The following SERGEF variants were observed in gnomAD, a reference collection of about 807,000 sequenced individuals.
The protein encoded by SERGEF is secretion-regulating guanine nucleotide exchange factor.
In SERGEF, 51 loss-of-function variants were observed where a neutral mutation model predicts 50.0. The ratio of observed to expected loss-of-function variants is 1.02; its 90% confidence interval spans 0.81 to 1.29. SERGEF has a LOEUF of 1.29. SERGEF is among the 50% of genes most tolerant of loss of function. The pLI is 0.00. For missense variants in SERGEF, 521 were observed against 557.0 expected, an observed-to-expected ratio of 0.94 and a Z score of 0.65; for synonymous variants, 205 against 212.4, an observed-to-expected ratio of 0.97 and a Z score of 0.30.
chr11:17,883,001 G>A (rs954483971), intron 9 of SERGEF, among the ~76,000 whole-genome samples: 1 of 152,174 alleles, frequency 6.6e-6, no homozygotes, highest in Non-Finnish European at 1.5e-5. Flanking sequence ...CAAGGGTAAG[G>A]GGTGAGAAGC....
intron 10 of SERGEF, among the ~76,000 whole-genome samples, chr11:17,850,632 C>T (rs754810514): frequency 2.0e-5 from 3 of 152,182 alleles, no homozygotes; most frequent in Non-Finnish European, 2.9e-5. Context: ...TAATGACTTT[C>T]AATAAGGCCT....
At chr11:17,793,954 A>G (rs1347117681) in intron 10 of SERGEF, among the ~76,000 whole-genome samples, 1 of 152,168 alleles carries the variant, frequency 6.6e-6, no homozygotes, top group Admixed American at 6.5e-5. Context: ...ACAATACCCA[A>G]ATCTGTTCAG....
chr11:18,009,072 C>G (rs769547560), intron 1 of SERGEF, among the ~76,000 whole-genome samples: 1 of 152,074 alleles, frequency 6.6e-6, no homozygotes, highest in Non-Finnish European at 1.5e-5. Flanking sequence ...TTTCTTCCCT[C>G]CTCAAATCCC....
At chr11:17,878,878 C>T (rs979793717) in intron 9 of SERGEF, among the ~76,000 whole-genome samples, 3 of 152,316 alleles carry the variant, frequency 2.0e-5, no homozygotes, top group South Asian at 2.1e-4. Flanking sequence ...CCTTTAAAAT[C>T]TCAAAGTATC....
At chr11:17,850,657 A>G (rs1850694359) in intron 10 of SERGEF, among the ~76,000 whole-genome samples, 1 of 152,210 alleles carries the variant, frequency 6.6e-6, no homozygotes, top group African/African-American at 2.4e-5. Flanking sequence ...CCAAGAGGTT[A>G]ATACTCTGAG....
At chr11:17,948,597 T>A (rs1852714577) in intron 9 of SERGEF, among the ~76,000 whole-genome samples, 1 of 152,122 alleles carries the variant, frequency 6.6e-6, no homozygotes, top group Admixed American at 6.5e-5. Context: ...CCTCAGCCAG[T>A]CTTGGGAGTG....
chr11:17,853,141 G>A (rs1289134194), intron 10 of SERGEF, among the ~76,000 whole-genome samples: 1 of 152,116 alleles, frequency 6.6e-6, no homozygotes, highest in Non-Finnish European at 1.5e-5. Flanking sequence ...TTCCTCACTT[G>A]TAAAACATAG....
chr11:17,985,914 T>A (rs211120), intron 8 of SERGEF, among the ~76,000 whole-genome samples: 3 of 152,266 alleles, frequency 2.0e-5, no homozygotes, highest in South Asian at 2.1e-4. Context: ...TATAGGAGAC[T>A]GCCCTTGCAT....
chr11:17,926,504 C>T (rs1852253027), intron 9 of SERGEF, among the ~76,000 whole-genome samples: 1 of 152,228 alleles, frequency 6.6e-6, no homozygotes. Context: ...GTACCCCTGT[C>T]TTCTATCAGG....
intron 9 of SERGEF, among the ~76,000 whole-genome samples, chr11:17,918,137 T>C (rs960038392): frequency 6.6e-6 from 1 of 152,134 alleles, no homozygotes; most frequent in Non-Finnish European, 1.5e-5. Flanking sequence ...TGACCCGAAG[T>C]CTGTGTTCCT....
In SERGEF at chr11:17,815,192, AAAC is replaced by A. The variant is rs1198059207; in HGVS notation, c.1049-26782_1049-26780del. ...ACAGAATGAGATCCATCTCTTAAGA[AAAC>A]AAAAAACAAAAATTACAGTCTTTAG... On this transcript the variant is annotated intron_variant, in intron 10 of 10. Transcript: ENST00000265965. 2.0e-3 allele frequency among the ~76,000 whole-genome samples: 299 copies of A among 152,140 alleles called. 2 individuals carry two copies. The highest frequency in any genetic ancestry group is 6.8e-3 in the African/African-American group (283 of 41,484).
chr11:17,921,982 CA>C (rs1386911562), intron 9 of SERGEF, among the ~76,000 whole-genome samples: 1 of 152,180 alleles, frequency 6.6e-6, no homozygotes, highest in African/African-American at 2.4e-5. Flanking sequence ...TTCCCTAGTG[CA>C]AACTCCCAGT....
chr11:17,829,631 C>T (rs1280680892), intron 10 of SERGEF, among the ~76,000 whole-genome samples: 3 of 152,102 alleles, frequency 2.0e-5, no homozygotes, highest in East Asian at 1.9e-4. Context: ...CCCCACACCA[C>T]CCAAAAAAAA....
chr11:17,808,555 C>A (rs1363394244), intron 10 of SERGEF, among the ~76,000 whole-genome samples: 1 of 152,118 alleles, frequency 6.6e-6, no homozygotes, highest in Non-Finnish European at 1.5e-5. Flanking sequence ...GCCAACAGGC[C>A]CCACCTCCAA....
intron 3 of SERGEF, among the ~76,000 whole-genome samples, chr11:18,006,275 C>T (rs375731960): frequency 1.5e-3 from 229 of 152,304 alleles, no homozygotes; most frequent in African/African-American, 5.0e-3. Flanking sequence ...TCGCCTGCCT[C>T]GGCCTCCCAA....
rs545206895 is a variant in SERGEF, at chr11:17,893,302, TG to T, written c.1012-15059del. ...CTGACATATGTAAGCTGTCTGACCT[TG>T]GGCATGAAGCCTGTACTTTTTGAAC... is the stretch of plus-strand genomic sequence containing the variant. On this transcript the variant is annotated intron_variant, in intron 9 of 10. Transcript: ENST00000265965. Among the ~76,000 whole-genome samples, 19 of 152,336 alleles carry T rather than the reference TG, an allele frequency of 1.2e-4. No individual in the cohort carries two copies. The East Asian group carries it at 3.7e-3, about 29-fold the overall frequency.
At chr11:17,947,105 T>C (rs1657039189) in intron 9 of SERGEF, among the ~76,000 whole-genome samples, 1 of 152,212 alleles carries the variant, frequency 6.6e-6, no homozygotes, top group Non-Finnish European at 1.5e-5. Flanking sequence ...TACTAATAGG[T>C]GATTCAAACT....
chr11:17,992,972 A>G lies in SERGEF; in HGVS notation c.644T>C (p.Met215Thr). 6.2e-7 allele frequency: 1 copy of G among 1,614,110 alleles called. No homozygotes were observed. ...GTGGTCTGAGCCAGCAAGAACACAC[A>G]TTGCTTTAGAATTCTCTAGACCTAC... ...RVTGLENSKA[M>T]CVLAGSDHSA... is the part of the protein sequence containing the mutation. Residue 215 changes from methionine to threonine, a missense_variant, in exon 7 of 11, where the codon ATG becomes ACG. By Grantham distance (81) the Met-to-Thr change is moderately conservative. Transcript: ENST00000265965.
At chr11:17,935,565 C>T (rs974293455) in intron 9 of SERGEF, among the ~76,000 whole-genome samples, 1 of 152,098 alleles carries the variant, frequency 6.6e-6, no homozygotes, top group Non-Finnish European at 1.5e-5. Context: ...TTTTATTTTA[C>T]AGATGTTAAA....
Sources: gnomAD v4.1 joint callset for allele counts (sites outside exome capture counted in the v4.1 genomes callset) on GRCh38, gnomAD v4.1.1 for gene constraint, MANE v1.5 for transcripts, NCBI Gene and HGNC (gene_info 2026-07-23, HGNC 2026-07-21) for gene names.